WWTR1: variants seen among roughly 807,000 people sequenced by gnomAD.
WWTR1 encodes the protein WW domain-containing transcription regulator protein 1.
WWTR1 carries 13 observed loss-of-function variants against 40.1 expected under a neutral mutation model. The observed-to-expected ratio is 0.32, with a 90% CI of 0.21 to 0.52. WWTR1 has a LOEUF of 0.52. WWTR1 is among the 20% of genes least tolerant of loss of function. The pLI, the probability that WWTR1 is intolerant of heterozygous loss-of-function variation, is 0.97. For missense variants in WWTR1, 436 were observed against 523.1 expected, an observed-to-expected ratio of 0.83 and a Z score of 1.63; for synonymous variants, 230 against 210.1, an observed-to-expected ratio of 1.09 and a Z score of -0.82.
At chr3:149,631,270 G>A (rs992312813) in intron 2 of WWTR1, among the ~76,000 whole-genome samples, 1 of 152,190 alleles carries the variant, frequency 6.6e-6, no homozygotes, top group Non-Finnish European at 1.5e-5. Context: ...TATTATAAGA[G>A]TTTATGTTTC....
At chr3:149,558,341 T>C (rs1044602938) in intron 3 of WWTR1, among the ~76,000 whole-genome samples, 1 of 152,186 alleles carries the variant, frequency 6.6e-6, no homozygotes, top group Admixed American at 6.5e-5. Context: ...ATGTGTCAAA[T>C]AAATAATGTT....
chr3:149,688,145 C>T (rs1714709684), intron 1 of WWTR1, among the ~76,000 whole-genome samples: 1 of 151,946 alleles, frequency 6.6e-6, no homozygotes, highest in Admixed American at 6.6e-5. Flanking sequence ...CTAAAGTTCC[C>T]AATTCCAGGT....
chr3:149,580,857 C>T (rs1738123572), intron 2 of WWTR1, among the ~76,000 whole-genome samples: 1 of 152,196 alleles, frequency 6.6e-6, no homozygotes, highest in African/African-American at 2.4e-5. Flanking sequence ...GGCCATCCAC[C>T]CGCCTCAGGC....
Position 149,657,324 on chromosome 3 carries a change from T to A in WWTR1, c.-3-15A>T, listed in dbSNP as rs770456737. 1 of 1,601,206 alleles carries A rather than the reference T, an allele frequency of 6.2e-7. No homozygotes were observed. Among genetic ancestry groups the A allele is most frequent in the South Asian group, 1.1e-5 (1 of 88,814 alleles). The stretch of plus-strand genomic sequence containing the variant: ...GGATTCATCTTCTGCAAAAAGAAGG[T>A]CAGATCAGCCTTTTATTTAAAGTCG... On this transcript the variant is annotated splice_polypyrimidine_tract_variant and intron_variant, in intron 1 of 6. Coordinates refer to ENST00000360632, the MANE Select transcript of WWTR1 (RefSeq NM_015472.6).
intron 2 of WWTR1, among the ~76,000 whole-genome samples, chr3:149,615,970 G>A (rs1431778200): frequency 6.6e-6 from 1 of 152,126 alleles, no homozygotes; most frequent in Non-Finnish European, 1.5e-5. Context: ...ACAAAAAAAT[G>A]GCCTGAGAAC....
chr3:149,524,091 A>G (rs1005523681), intron 6 of WWTR1, among the ~76,000 whole-genome samples: 2 of 152,182 alleles, frequency 1.3e-5, no homozygotes, highest in Non-Finnish European at 2.9e-5. Context: ...CCGTGAGCAT[A>G]TCACTCCCAC....
intron 1 of WWTR1, among the ~76,000 whole-genome samples, chr3:149,675,395 C>T (rs1196743329): frequency 2.0e-5 from 3 of 152,150 alleles, no homozygotes; most frequent in East Asian, 3.9e-4. Context: ...AGGGTGATGC[C>T]TAGATCTCTG....
chr3:149,645,814 A>C (rs1420391101), intron 2 of WWTR1, among the ~76,000 whole-genome samples: 1 of 152,176 alleles, frequency 6.6e-6, no homozygotes, highest in Non-Finnish European at 1.5e-5. Flanking sequence ...TTAAATAAAC[A>C]ACCTAGCATG....
intron 2 of WWTR1, among the ~76,000 whole-genome samples, chr3:149,619,390 G>A (rs1740158955): frequency 6.6e-6 from 1 of 152,202 alleles, no homozygotes; most frequent in African/African-American, 2.4e-5. Flanking sequence ...AGACGCCAAG[G>A]TGAGAGGATT....
intron 5 of WWTR1, among the ~76,000 whole-genome samples, chr3:149,526,641 T>A (rs2107906720): frequency 6.6e-6 from 1 of 152,348 alleles, no homozygotes; most frequent in Admixed American, 6.5e-5. Context: ...CTATGGCAAA[T>A]CTGGGTAGTG....
chr3:149,638,790 T>A (rs1219101691), intron 2 of WWTR1, among the ~76,000 whole-genome samples: 1 of 152,214 alleles, frequency 6.6e-6, no homozygotes, highest in African/African-American at 2.4e-5. Context: ...GCTCTTGTCC[T>A]GTAATAACCC....
intron 2 of WWTR1, among the ~76,000 whole-genome samples, chr3:149,625,535 A>T (rs533425955): frequency 6.6e-6 from 1 of 152,260 alleles, no homozygotes; most frequent in East Asian, 1.9e-4. Flanking sequence ...TCATGCCTGT[A>T]ATCCCAGCAC....
chr3:149,576,138 AGACCAGTC>A (rs1737867387), intron 2 of WWTR1: 1 of 456,374 alleles, frequency 2.2e-6, no homozygotes, highest in Middle Eastern at 3.3e-4. Flanking sequence ...CTGGCTCTGC[AGACCAGTC>A]GACCTGACAT....
intron 2 of WWTR1, among the ~76,000 whole-genome samples, chr3:149,587,436 C>G (rs1738480429): frequency 6.6e-6 from 1 of 152,088 alleles, no homozygotes; most frequent in Non-Finnish European, 1.5e-5. Flanking sequence ...ACAGACCCCA[C>G]CCAAAAGGTG....
intron 1 of WWTR1, among the ~76,000 whole-genome samples, chr3:149,688,827 C>T (rs1714731444): frequency 6.6e-6 from 1 of 152,118 alleles, no homozygotes; most frequent in African/African-American, 2.4e-5. Context: ...CCCAGAGTGA[C>T]CGAGACATGC....
chr3:149,541,642 G>A (rs913471169), intron 4 of WWTR1, among the ~76,000 whole-genome samples: 36 of 152,034 alleles, frequency 2.4e-4, no homozygotes, highest in African/African-American at 6.5e-4. Context: ...AAGAGAGTGT[G>A]GCAAAAGCGA....
chr3:149,568,207 G>A (rs1295181159), intron 3 of WWTR1, among the ~76,000 whole-genome samples: 13 of 151,940 alleles, frequency 8.6e-5, no homozygotes, highest in Non-Finnish European at 1.6e-4. Context: ...CCAACATGGT[G>A]AAACCCCATC....
chr3:149,590,323 T>C (rs1738633608), intron 2 of WWTR1, among the ~76,000 whole-genome samples: 1 of 152,170 alleles, frequency 6.6e-6, no homozygotes, highest in Non-Finnish European at 1.5e-5. Flanking sequence ...AACTTGATCA[T>C]TACATAACAG....
intron 4 of WWTR1, chr3:149,540,971 A>G (rs1036393547): frequency 2.2e-6 from 1 of 451,590 alleles, no homozygotes; most frequent in Non-Finnish European, 4.4e-6. Context: ...GTCAATGTGT[A>G]TTTTTGAAAG....
Sources: gnomAD v4.1 joint callset for allele counts (sites outside exome capture counted in the v4.1 genomes callset) on GRCh38, gnomAD v4.1.1 for gene constraint, MANE v1.5 for transcripts, NCBI Gene and HGNC (gene_info 2026-07-23, HGNC 2026-07-21) for gene names.